The following MSRA variants were observed in gnomAD, a reference collection of about 807,000 sequenced individuals.
MSRA encodes the protein methionine sulfoxide reductase A, also known as mitochondrial peptide methionine sulfoxide reductase.
In MSRA, 54 loss-of-function variants were observed where a neutral mutation model predicts 31.3. The observed-to-expected ratio is 1.73, with a 90% CI of 1.39 to 2.17. The LOEUF (loss-of-function observed/expected upper bound fraction) is 2.17, where lower values mean the gene tolerates loss of function less well. Ranked by LOEUF, MSRA falls within the 30% of genes most tolerant of loss-of-function variation. The pLI is 0.00. For synonymous variants in MSRA, 169 were observed against 116.5 expected, an observed-to-expected ratio of 1.45 and a Z score of -2.90; for missense variants, 507 against 300.9, an observed-to-expected ratio of 1.69 and a Z score of -5.07.
intron 1 of MSRA, among the ~76,000 whole-genome samples, chr8:10,142,837 G>T (rs1432102832): frequency 2.0e-5 from 3 of 152,128 alleles, no homozygotes; most frequent in African/African-American, 7.2e-5. Context: ...TTCACTTATT[G>T]CCTGGTTTTT....
At chr8:10,412,160 A>G (rs150402855) in intron 5 of MSRA, among the ~76,000 whole-genome samples, 3 of 152,376 alleles carry the variant, frequency 2.0e-5, no homozygotes, top group East Asian at 1.9e-4. Context: ...AATAGCCCCT[A>G]TACAGTCATA....
At chr8:10,160,281 T>C (rs1455507495) in intron 1 of MSRA, among the ~76,000 whole-genome samples, 4 of 152,002 alleles carry the variant, frequency 2.6e-5, no homozygotes, top group African/African-American at 9.7e-5. Context: ...GATCACGAGG[T>C]CAGGAGATCA....
chr8:10,236,832 C>A (rs1811987060), intron 2 of MSRA, among the ~76,000 whole-genome samples: 1 of 152,198 alleles, frequency 6.6e-6, no homozygotes, highest in Non-Finnish European at 1.5e-5. Flanking sequence ...AGGCGTGAGC[C>A]ACCATGTCTG....
intron 1 of MSRA, among the ~76,000 whole-genome samples, chr8:10,155,483 G>A (rs1399594811): frequency 6.6e-6 from 1 of 152,158 alleles, no homozygotes; most frequent in African/African-American, 2.4e-5. Flanking sequence ...TTTTCTAGTT[G>A]TATCAGCTGA....
At chr8:10,163,885 G>T (rs927809911) in intron 1 of MSRA, among the ~76,000 whole-genome samples, 1 of 152,182 alleles carries the variant, frequency 6.6e-6, no homozygotes, top group Admixed American at 6.5e-5. Context: ...CGGCATTGTC[G>T]GCTGTTGCTG....
At chr8:10,272,669 C>T (rs1272364567) in intron 3 of MSRA, among the ~76,000 whole-genome samples, 1 of 152,014 alleles carries the variant, frequency 6.6e-6, no homozygotes, top group Non-Finnish European at 1.5e-5. Flanking sequence ...CACTCTTACT[C>T]GCGCTTTAAG....
chr8:10,234,753 C>T (rs76483670), intron 2 of MSRA, among the ~76,000 whole-genome samples: 9,204 of 151,722 alleles, frequency 0.061, 365 homozygotes, highest in South Asian at 0.16. Flanking sequence ...AAAACATACG[C>T]CTGGTAAATG....
intron 5 of MSRA, among the ~76,000 whole-genome samples, chr8:10,404,770 C>A (rs953787948): frequency 6.6e-6 from 1 of 152,226 alleles, no homozygotes; most frequent in Admixed American, 6.5e-5. Flanking sequence ...GTCGCAGGCC[C>A]ATTTCCCCCA....
chr8:10,414,691 A>G (rs999457803), intron 5 of MSRA, among the ~76,000 whole-genome samples: 4 of 152,264 alleles, frequency 2.6e-5, no homozygotes, highest in Admixed American at 1.3e-4. Context: ...TTTCTATTCA[A>G]CCTTTTGGAA....
At chr8:10,117,266 G>T (rs888883090) in intron 1 of MSRA, among the ~76,000 whole-genome samples, 1 of 152,184 alleles carries the variant, frequency 6.6e-6, no homozygotes, top group Non-Finnish European at 1.5e-5. Flanking sequence ...ATGGGATGGG[G>T]GAGGAGAGAG....
chr8:10,161,247 T>C lies in MSRA; in HGVS notation c.143-46586T>C, dbSNP rs564906381. On this transcript the variant is annotated intron_variant, in intron 1 of 5. Coordinates refer to ENST00000317173, the MANE Select transcript of MSRA (RefSeq NM_012331.5). ...CTCAGAGCATTGCTGAGAATATTTA[T>C]ATAATTAAATATCATCTGTTTCCCC... is the stretch of plus-strand genomic sequence containing the variant. Among the ~76,000 whole-genome samples, 13 of 152,322 alleles carry C rather than the reference T, an allele frequency of 8.5e-5. No homozygotes were observed. The South Asian group carries it at 2.7e-3, about 32-fold the overall frequency.
chr8:10,340,426 G>T (rs1240546716), intron 5 of MSRA, among the ~76,000 whole-genome samples: 1 of 152,258 alleles, frequency 6.6e-6, no homozygotes, highest in Non-Finnish European at 1.5e-5. Context: ...AGGCTGGAGT[G>T]CAGTGGCGTG....
Position 10,167,639 on chromosome 8 carries a change from G to C in MSRA, c.143-40194G>C, listed in dbSNP as rs556936742. Among the ~76,000 whole-genome samples the C allele has an allele frequency of 1.9e-3, 283 of 152,262 alleles. 3 individuals carry two copies. The highest frequency in any genetic ancestry group is 6.5e-3 in the African/African-American group (270 of 41,548). On this transcript the variant is annotated intron_variant, in intron 1 of 5. Transcript: ENST00000317173. ...AAGGACTGCAGAGGAGGCAGGGGAG[G>C]AGCGTACTTAGCATCTTTTGCTCCC... is the stretch of plus-strand genomic sequence containing the variant.
At chr8:10,163,372 C>T (rs1382496294) in intron 1 of MSRA, among the ~76,000 whole-genome samples, 3 of 152,204 alleles carry the variant, frequency 2.0e-5, no homozygotes, top group Non-Finnish European at 2.9e-5. Context: ...AAACGGCACC[C>T]ACCTTATGGG....
At chr8:10,374,705 C>T (rs1394418143) in intron 5 of MSRA, among the ~76,000 whole-genome samples, 1 of 152,126 alleles carries the variant, frequency 6.6e-6, no homozygotes, top group Non-Finnish European at 1.5e-5. Context: ...ATCTCTTGTG[C>T]ATTTGAACAG....
At chr8:10,091,348 G>C (rs1034819471) in intron 1 of MSRA, among the ~76,000 whole-genome samples, 7 of 152,168 alleles carry the variant, frequency 4.6e-5, no homozygotes, top group Non-Finnish European at 1.0e-4. Context: ...GCTAAATCAA[G>C]CTAATTATGT....
chr8:10,273,356 A>T (rs1799144595), intron 3 of MSRA, among the ~76,000 whole-genome samples: 1 of 152,118 alleles, frequency 6.6e-6, no homozygotes. Context: ...TCCTTACTTT[A>T]TTCACTTAGA....
intron 3 of MSRA, among the ~76,000 whole-genome samples, chr8:10,299,994 C>A (rs1217406497): frequency 1.3e-5 from 2 of 152,136 alleles, no homozygotes; most frequent in East Asian, 3.8e-4. Context: ...AGTAGTTGGA[C>A]AACCATCTGA....
chr8:10,143,453 C>T (rs1011984153), intron 1 of MSRA, among the ~76,000 whole-genome samples: 4 of 152,130 alleles, frequency 2.6e-5, no homozygotes, highest in East Asian at 1.9e-4. Context: ...GCTTTAGTGT[C>T]GCAGCGATTG....
Sources: allele counts gnomAD v4.1 joint callset (sites outside exome capture counted in the v4.1 genomes callset), GRCh38; gene constraint gnomAD v4.1.1; transcripts MANE v1.5; gene names NCBI Gene and HGNC (gene_info 2026-07-23, HGNC 2026-07-21).